PDE4D: variants seen among roughly 807,000 people sequenced by gnomAD.
The protein encoded by PDE4D is 3',5'-cyclic-AMP phosphodiesterase 4D.
A neutral mutation model predicts 87.4 loss-of-function variants in PDE4D; 24 were observed. That is an observed-to-expected ratio of 0.27 (90% CI 0.20 to 0.39). The LOEUF is 0.39. PDE4D is among the 10% of genes least tolerant of loss of function. PDE4D has a pLI of 1.00. For synonymous variants in PDE4D, 384 were observed against 383.2 expected (o/e 1.00, Z -0.02); for missense variants, 714 against 1,041.0 (o/e 0.69, Z 4.32).
At chr5:59,665,465 T>A (rs931341118) in intron 1 of PDE4D, among the ~76,000 whole-genome samples, 2 of 152,228 alleles carry the variant, frequency 1.3e-5, no homozygotes, top group Admixed American at 6.5e-5. Context: ...AAAAGTGATC[T>A]AATCCACCTG....
chr5:59,348,012 T>C (rs1483430992), intron 1 of PDE4D, among the ~76,000 whole-genome samples: 1 of 152,164 alleles, frequency 6.6e-6, no homozygotes, highest in African/African-American at 2.4e-5. Flanking sequence ...TATTTATTGT[T>C]AACTTGTTTA....
chr5:59,421,041 A>G (rs1023635483), intron 1 of PDE4D, among the ~76,000 whole-genome samples: 2 of 152,182 alleles, frequency 1.3e-5, no homozygotes, highest in Non-Finnish European at 2.9e-5. Context: ...CAATGAGTAA[A>G]TGCCGTATGC....
chr5:60,268,770 G>A (rs1750508005), intron 1 of PDE4D, among the ~76,000 whole-genome samples: 1 of 152,160 alleles, frequency 6.6e-6, no homozygotes, highest in Non-Finnish European at 1.5e-5. Context: ...TCATTTTTCT[G>A]AGAGAAGTTC....
At chr5:59,531,672 C>T (rs1814243634) in intron 1 of PDE4D, among the ~76,000 whole-genome samples, 1 of 152,104 alleles carries the variant, frequency 6.6e-6, no homozygotes, top group Non-Finnish European at 1.5e-5. Context: ...CTTTCATTTC[C>T]AAAGCCAACA....
At chr5:59,601,183 G>A (rs1054357825) in intron 1 of PDE4D, among the ~76,000 whole-genome samples, 1 of 152,128 alleles carries the variant, frequency 6.6e-6, no homozygotes, top group African/African-American at 2.4e-5. Flanking sequence ...AAGAACAGCA[G>A]AATAATGAGC....
intron 1 of PDE4D, among the ~76,000 whole-genome samples, chr5:59,316,834 T>C (rs1773842585): frequency 6.6e-6 from 1 of 152,176 alleles, no homozygotes; most frequent in Non-Finnish European, 1.5e-5. Context: ...ACACCTGCCT[T>C]CTTCACCTCT....
In PDE4D at chr5:60,263,119, C is replaced by T. The variant is rs1234671603; in HGVS notation, c.-89-77432G>A. On this transcript the variant is annotated intron_variant, in intron 1 of 16. Coordinates refer to the PDE4D transcript ENST00000502484. ...CTATAAACCTCTGTGCTAACGCCCA[C>T]CTGTGCTGCACCAACCTCCAATGGA... is the stretch of plus-strand genomic sequence containing the variant. Among the ~76,000 whole-genome samples the T allele has an allele frequency of 4.6e-5, 7 of 152,140 alleles. No individual in the cohort carries two copies. The East Asian group carries it at 1.2e-3, about 25-fold the overall frequency.
At chr5:60,316,267 C>G (rs1416406486) in intron 1 of PDE4D, among the ~76,000 whole-genome samples, 5 of 152,126 alleles carry the variant, frequency 3.3e-5, no homozygotes, top group Non-Finnish European at 7.3e-5. Flanking sequence ...GGAGTTCACT[C>G]ATGATTTGGC....
upstream of PDE4D, among the ~76,000 whole-genome samples, chr5:60,489,204 G>T (rs1232385907): frequency 6.6e-6 from 1 of 152,112 alleles, no homozygotes; most frequent in African/African-American, 2.4e-5. Context: ...CAAATCCTTA[G>T]CAAATTGTCT....
intron 2 of PDE4D, among the ~76,000 whole-genome samples, chr5:60,176,731 C>T (rs932728252): frequency 3.9e-5 from 6 of 152,130 alleles, no homozygotes; most frequent in African/African-American, 1.2e-4. Context: ...GGAAAGATTG[C>T]TCTTTTAGTT....
intron 1 of PDE4D, among the ~76,000 whole-genome samples, chr5:60,200,325 C>A (rs980746032): frequency 1.3e-5 from 2 of 151,312 alleles, no homozygotes; most frequent in African/African-American, 2.4e-5. Flanking sequence ...TCTCCTGCAC[C>A]CAGAAGTTAT....
chr5:59,758,720 T>C (rs1228825149), intron 1 of PDE4D, among the ~76,000 whole-genome samples: 1 of 152,176 alleles, frequency 6.6e-6, no homozygotes, highest in African/African-American at 2.4e-5. Context: ...CTGAATCCTA[T>C]TTATGAGTCA....
intron 1 of PDE4D, among the ~76,000 whole-genome samples, chr5:59,246,866 C>T (rs1758942273): frequency 6.6e-6 from 1 of 152,146 alleles, no homozygotes; most frequent in African/African-American, 2.4e-5. Flanking sequence ...CAGAACTCTA[C>T]AACTAAATAT....
At chr5:59,277,924 T>C (rs1765131665) in intron 1 of PDE4D, among the ~76,000 whole-genome samples, 1 of 152,238 alleles carries the variant, frequency 6.6e-6, no homozygotes, top group African/African-American at 2.4e-5. Flanking sequence ...AATAGTACCA[T>C]AATGACTAAG....
rs368492153 is a variant in PDE4D at position 59,727,039 on chromosome 5, C to T, written c.455+166129G>A. Among the ~76,000 whole-genome samples, 12 of 151,958 alleles carry T rather than the reference C, an allele frequency of 7.9e-5. No homozygotes were observed. In the South Asian group the frequency reaches 1.0e-3, roughly 13 times the overall value. ...CAATAGAGGAGAAAGTCAAAACATA[C>T]GATATATAATAAGGTATGATAAATG... On this transcript the variant is annotated intron_variant, in intron 1 of 14. Coordinates refer to ENST00000340635, the MANE Select transcript of PDE4D (RefSeq NM_001104631.2).
intron 2 of PDE4D, among the ~76,000 whole-genome samples, chr5:60,158,164 T>C (rs566232404): frequency 6.6e-5 from 10 of 152,294 alleles, no homozygotes; most frequent in African/African-American, 2.4e-4. Flanking sequence ...AAGATATCCA[T>C]CATAAGTGAT....
chr5:60,131,122 C>T (rs1257631965), intron 2 of PDE4D, among the ~76,000 whole-genome samples: 1 of 152,190 alleles, frequency 6.6e-6, no homozygotes, highest in Non-Finnish European at 1.5e-5. Flanking sequence ...TATTAATATA[C>T]TCTTTCCAAG....
intron 5 of PDE4D, among the ~76,000 whole-genome samples, chr5:59,155,743 T>A (rs556535365): frequency 6.6e-6 from 1 of 151,726 alleles, no homozygotes; most frequent in African/African-American, 2.4e-5. Context: ...GGAGAGAGGA[T>A]CAAGGGCCCA....
At chr5:59,814,430 G>C (rs576192247) in intron 1 of PDE4D, among the ~76,000 whole-genome samples, 6 of 152,128 alleles carry the variant, frequency 3.9e-5, no homozygotes, top group Middle Eastern at 3.2e-3. Flanking sequence ...AAGGAACTTC[G>C]ATATGTGTCC....
Sources: allele counts gnomAD v4.1 joint callset (sites outside exome capture counted in the v4.1 genomes callset), GRCh38; gene constraint gnomAD v4.1.1; transcripts MANE v1.5; gene names NCBI Gene and HGNC (gene_info 2026-07-23, HGNC 2026-07-21).